UXS1: variants seen among roughly 807,000 people sequenced by gnomAD.
UXS1 encodes the protein UDP-glucuronic acid decarboxylase 1.
A neutral mutation model predicts 62.6 loss-of-function variants in UXS1; 33 were observed. The ratio of observed to expected loss-of-function variants is 0.53; its 90% confidence interval spans 0.40 to 0.70. UXS1 has a LOEUF of 0.70. Ranked by LOEUF, UXS1 falls within the 30% of genes least tolerant of loss-of-function variation. The probability of loss-of-function intolerance (pLI) is 0.00; values close to 1 mark genes in which losing one functional copy is unlikely to be tolerated. For synonymous variants in UXS1, 213 were observed against 206.8 expected (o/e 1.03, Z -0.26); for missense variants, 434 against 556.3 (o/e 0.78, Z 2.21).
chr2:106,114,141 A>C (rs1234012028), intron 9 of UXS1, among the ~76,000 whole-genome samples: 1 of 152,200 alleles, frequency 6.6e-6, no homozygotes, highest in African/African-American at 2.4e-5. Flanking sequence ...ACCTCGGCCC[A>C]CAGCAGGCTT....
At chr2:106,153,446 A>G (rs1682191511) in intron 5 of UXS1, among the ~76,000 whole-genome samples, 1 of 152,194 alleles carries the variant, frequency 6.6e-6, no homozygotes, top group Non-Finnish European at 1.5e-5. Context: ...ACATCCTCCA[A>G]GGAACAACAG....
At position 106,149,875 on chromosome 2, in the gene UXS1, TG is replaced by T. The variant is rs1293345903; in HGVS notation, c.292-4506del. Among the ~76,000 whole-genome samples, 9 of 152,228 alleles carry T rather than the reference TG, an allele frequency of 5.9e-5. No homozygotes were observed. The South Asian group carries it at 1.2e-3, about 21-fold the overall frequency. On this transcript the variant is annotated intron_variant, in intron 5 of 14. Transcript: ENST00000283148. ...GTGAGGCCTCAGAAGAGAAGAGCTG[TG>T]GGGGAAGTCTAGAACTTCTTAGAGA... is the stretch of plus-strand genomic sequence containing the variant.
intron 6 of UXS1, among the ~76,000 whole-genome samples, chr2:106,144,698 CT>C (rs2104995047): frequency 6.6e-6 from 1 of 152,302 alleles, no homozygotes; most frequent in African/African-American, 2.4e-5. Context: ...TGAGGACCTG[CT>C]TCCTGGTTCA....
intron 5 of UXS1, among the ~76,000 whole-genome samples, chr2:106,148,380 G>A (rs1681749161): frequency 6.6e-6 from 1 of 152,112 alleles, no homozygotes; most frequent in Non-Finnish European, 1.5e-5. Context: ...CTTTTAAAAA[G>A]AAATGTAACC....
rs762280611 is a variant in UXS1 at position 106,164,837 on chromosome 2, T to A, written c.123-38A>T. On this transcript the variant is annotated intron_variant, in intron 2 of 14. Transcript: ENST00000283148. Reference sequence around the variant, plus strand: ...GATCAACTGAAAGGCTTTGTGACTTTAAGACTGTTTCTGAATAAATTACCC... The same window carrying A: ...GATCAACTGAAAGGCTTTGTGACTTAAAGACTGTTTCTGAATAAATTACCC... The A allele has an allele frequency of 2.0e-6, 3 of 1,482,134 alleles. No individual in the cohort carries two copies. The African/African-American group carries it at 4.2e-5, about 21-fold the overall frequency. The allele number at this position is 1,482,134 out of a possible 1,614,324, so 91.8% of individuals were successfully genotyped here.
At chr2:106,098,873 C>T in intron 12 of UXS1, 100 bp from the exon 13 acceptor site, 1 of 1,060,324 alleles carries the variant, frequency 9.4e-7, no homozygotes, top group South Asian at 1.4e-5. Flanking sequence ...CTGGCCGAGT[C>T]TGACCTCCCT....
intron 1 of UXS1, among the ~76,000 whole-genome samples, chr2:106,188,009 TG>T (rs1172204472): frequency 6.6e-6 from 1 of 152,228 alleles, no homozygotes; most frequent in Non-Finnish European, 1.5e-5. Context: ...CCCAAAATGC[TG>T]GGATTACAGG....
intron 1 of UXS1, among the ~76,000 whole-genome samples, chr2:106,175,810 T>G (rs1276682801): frequency 2.0e-5 from 3 of 152,130 alleles, no homozygotes; most frequent in African/African-American, 7.2e-5. Flanking sequence ...AGAAGAGCCA[T>G]CCCCGTCTCA....
Position 106,122,460 on chromosome 2 carries a change from G to A in UXS1, c.759+510C>T, listed in dbSNP as rs146393154. ...TGTGGCAACCTCGGCCTCTTGGTCTGTGAGCAATTTCTGCTATAACATGCA... is the reference window on the plus strand; with the variant it reads ...TGTGGCAACCTCGGCCTCTTGGTCTATGAGCAATTTCTGCTATAACATGCA... On this transcript the variant is annotated intron_variant, in intron 9 of 14. Transcript: ENST00000283148. Among the ~76,000 whole-genome samples, 126 of 152,318 alleles carry A rather than the reference G, an allele frequency of 8.3e-4. 1 individual carries two copies. Among genetic ancestry groups the A allele is most frequent in the Middle Eastern group, 3.4e-3 (1 of 294 alleles).
intron 1 of UXS1, among the ~76,000 whole-genome samples, chr2:106,192,909 C>CATA (rs1226499084): frequency 2.0e-5 from 3 of 152,172 alleles, no homozygotes; most frequent in Non-Finnish European, 4.4e-5. Context: ...GTATTACTGC[C>CATA]ATAATAATAG....
chr2:106,101,026 G>A (rs747143925), intron 12 of UXS1, 32 bp downstream of exon 12: 2 of 1,613,560 alleles, frequency 1.2e-6, no homozygotes, highest in South Asian at 2.2e-5. Flanking sequence ...AGTCTGAGCT[G>A]TCCTGCAGAG....
intron 7 of UXS1, among the ~76,000 whole-genome samples, chr2:106,129,247 C>A (rs1680224771): frequency 6.6e-6 from 1 of 152,218 alleles, no homozygotes; most frequent in African/African-American, 2.4e-5. Flanking sequence ...GAATCACCCC[C>A]GTGTGTAAGG....
intron 10 of UXS1, among the ~76,000 whole-genome samples, chr2:106,107,110 G>A (rs1432849318): frequency 1.3e-5 from 2 of 152,170 alleles, no homozygotes; most frequent in East Asian, 3.9e-4. Context: ...TGGGTTTGGG[G>A]CTGTGCTGCT....
intron 5 of UXS1, among the ~76,000 whole-genome samples, chr2:106,157,842 A>G (rs6732473): frequency 0.87 from 132,658 of 152,124 alleles, 58,307 homozygotes; most frequent in Non-Finnish European, 0.94. Context: ...GCGGGAGGGG[A>G]CTGGGAAATG....
chr2:106,094,212 C>CACAGGAAGGAAGTGCCACCTT (rs1558665543), intron 14 of UXS1, 55 bp from the exon 15 acceptor site: 18 of 1,186,364 alleles, frequency 1.5e-5, no homozygotes, highest in South Asian at 2.9e-5. Context: ...AGAAGGGCAT[C>CACAGGAAGGAAGTGCCACCTT]GCAGGAAGGA....
At chr2:106,111,994 G>C (rs948008205) in intron 10 of UXS1, among the ~76,000 whole-genome samples, 5 of 152,212 alleles carry the variant, frequency 3.3e-5, no homozygotes, top group Non-Finnish European at 7.3e-5. Context: ...CCTCTCACCA[G>C]GCAGGCCTGG....
chr2:106,142,943 G>C (rs1263025825), intron 6 of UXS1, among the ~76,000 whole-genome samples: 1 of 151,858 alleles, frequency 6.6e-6, no homozygotes, highest in Non-Finnish European at 1.5e-5. Flanking sequence ...GTGTGTGTGT[G>C]TGTCCTACAC....
rs1265464434 is a variant in UXS1, at chr2:106,129,820, C to A, written c.473-42G>T. On this transcript the variant is annotated intron_variant, in intron 6 of 14. Coordinates refer to ENST00000283148, the MANE Select transcript of UXS1 (RefSeq NM_001253875.2). ...AGAAGCCTATTACTTCAAAAAAGCA[C>A]CAAAAAAATACTGACCTCCTAGGAT... is the stretch of plus-strand genomic sequence containing the variant. The A allele has an allele frequency of 9.4e-6, 13 of 1,380,450 alleles. No individual in the cohort carries two copies. In the Admixed American group the frequency reaches 1.4e-4, roughly 15 times the overall value. The allele number at this position is 1,380,450 out of a possible 1,614,324, so 85.5% of individuals were successfully genotyped here. A position where few individuals can be genotyped will look rare whatever the true frequency, so the allele number is the denominator to read the frequency against.
chr2:106,151,726 A>G (rs1298051420), intron 5 of UXS1, among the ~76,000 whole-genome samples: 6 of 152,256 alleles, frequency 3.9e-5, no homozygotes, highest in Non-Finnish European at 7.3e-5. Context: ...TACTTGAGAC[A>G]CTTATTTCCA....
Sources: allele counts gnomAD v4.1 joint callset (sites outside exome capture counted in the v4.1 genomes callset), GRCh38; gene constraint gnomAD v4.1.1; transcripts MANE v1.5; gene names NCBI Gene and HGNC (gene_info 2026-07-23, HGNC 2026-07-21).